CEP131: variants seen among roughly 807,000 people sequenced by gnomAD.
CEP131 encodes centrosomal protein 131.
A neutral mutation model predicts 136.8 loss-of-function variants in CEP131; 99 were observed. The observed-to-expected ratio is 0.72, with a 90% CI of 0.62 to 0.86. The LOEUF is 0.86. Ranked by LOEUF, CEP131 falls within the 40% of genes least tolerant of loss-of-function variation. The pLI is 0.00. For synonymous variants in CEP131, 646 were observed against 612.7 expected, an observed-to-expected ratio of 1.05 and a Z score of -0.80; for missense variants, 1,459 against 1,463.0, an observed-to-expected ratio of 1.00 and a Z score of 0.04.
intron 2 of CEP131, among the ~76,000 whole-genome samples, chr17:81,218,733 G>A (rs1021108437): frequency 2.0e-5 from 3 of 152,210 alleles, no homozygotes; most frequent in Non-Finnish European, 4.4e-5. Flanking sequence ...CCGTCTGGCG[G>A]GCCACACCCT....
rs775261298 is a variant in CEP131 at position 81,219,237 on chromosome 17, GT to G, written c.177+642del. Reference sequence around the variant, plus strand: ...CCCACACACCCACACACCCGTCTAGGTTTCTCCAAGGCCACCAGGAGCTCAT... The same window carrying G: ...CCCACACACCCACACACCCGTCTAGGTTCTCCAAGGCCACCAGGAGCTCAT... On this transcript the variant is annotated intron_variant, in intron 2 of 25. Coordinates refer to ENST00000450824, the MANE Select transcript of CEP131 (RefSeq NM_014984.4). This position sits in a 1 kb window ranked among gnomAD's most constrained non-coding sequence, Gnocchi z 4.0. 6.6e-6 allele frequency among the ~76,000 whole-genome samples: 1 copy of G among 151,782 alleles called. No individual in the cohort carries two copies. Among genetic ancestry groups the G allele is most frequent in the African/African-American group, 2.4e-5 (1 of 41,288 alleles).
At chr17:81,222,025 G>A (rs1044154661) in intron 1 of CEP131, among the ~76,000 whole-genome samples, 1 of 152,104 alleles carries the variant, frequency 6.6e-6, no homozygotes, top group Admixed American at 6.6e-5. Flanking sequence ...ATGCACTTCC[G>A]GCTGTGCGGA....
At chr17:81,195,711 TG>T (rs1243417525) in intron 16 of CEP131, 123 bp downstream of exon 16, 28 of 817,308 alleles carry the variant, frequency 3.4e-5, no homozygotes, top group Middle Eastern at 3.7e-4. Flanking sequence ...CCCACCGCTG[TG>T]GCCCTGACAC....
Position 81,196,682 on chromosome 17 carries a change from C to G in CEP131, c.1899+19G>C. The G allele has an allele frequency of 6.3e-7, 1 of 1,596,426 alleles. No homozygotes were observed. The highest frequency in any genetic ancestry group is 1.3e-5 in the African/African-American group (1 of 74,964). ...GCCACGCGCTGGGTCCGGGCCTCTG[C>G]GCTCCCCGGGCCGCTCACCTGGTCA... is the stretch of plus-strand genomic sequence containing the variant. On this transcript the variant is annotated intron_variant, in intron 15 of 25. Coordinates refer to ENST00000450824, the MANE Select transcript of CEP131 (RefSeq NM_014984.4).
intron 18 of CEP131, 131 bp from the exon 19 acceptor site, chr17:81,192,974 C>A: frequency 7.1e-7 from 1 of 1,405,660 alleles, no homozygotes; most frequent in South Asian, 1.4e-5. Flanking sequence ...CCTGCCCCTC[C>A]CCCTCGGCAG....
rs1431703283 is a variant in CEP131, at chr17:81,206,875, T to C, written c.388-4A>G. On this transcript the variant is annotated splice_polypyrimidine_tract_variant and splice_region_variant and intron_variant, in intron 4 of 25. Coordinates refer to ENST00000450824, the MANE Select transcript of CEP131 (RefSeq NM_014984.4). Reference sequence around the variant, plus strand: ...TGAAGCCCCGGGGCTGGTCATCCTGTCAGACAGCTCAGCCCATGACACCGC... The same window carrying C: ...TGAAGCCCCGGGGCTGGTCATCCTGCCAGACAGCTCAGCCCATGACACCGC... The C allele has an allele frequency of 6.2e-7, 1 of 1,612,492 alleles. No homozygotes were observed. Among genetic ancestry groups the C allele is most frequent in the East Asian group, 2.2e-5 (1 of 44,844 alleles).
rs1020407116 is a variant in CEP131, at chr17:81,203,863, C to T, written c.516-256G>A. On this transcript the variant is annotated intron_variant, in intron 5 of 25. Coordinates refer to ENST00000450824, the MANE Select transcript of CEP131 (RefSeq NM_014984.4). The surrounding 1 kb of genome is among the most constrained non-coding windows in gnomAD (Gnocchi z 4.6). ...ATAGAATCGAGGCATGAACGCTGGA[C>T]GTGCCCAAGACGGGGGGAGCAGCTC... 15 of 468,932 alleles carry T rather than the reference C, an allele frequency of 3.2e-5. No individual in the cohort carries two copies. The highest frequency in any genetic ancestry group is 5.0e-5 in the Non-Finnish European group (13 of 259,892). The allele number at this position is 468,932 out of a possible 1,614,324, so 29.0% of individuals were successfully genotyped here. A position where few individuals can be genotyped will look rare whatever the true frequency, so the allele number is the denominator to read the frequency against.
Position 81,202,339 on chromosome 17 carries a change from G to A in CEP131, c.689C>T (p.Pro230Leu), listed in dbSNP as rs199521424. The A allele has an allele frequency of 1.1e-5, 17 of 1,613,604 alleles. No homozygotes were observed. Among genetic ancestry groups the A allele is most frequent in the East Asian group, 8.9e-5 (4 of 44,846 alleles). The change falls in exon 7 of 26, where the codon CCG becomes CTG. Residue 230 changes from proline to leucine, a missense_variant. Around this residue, in one of 3 missense-constraint regions of CEP131, gnomAD observed 246 missense variants for 318.9 expected, o/e 0.77. Transcript: ENST00000450824. ...GTGGGTGGCACTGGAGACATTCTTCGGCAGCTTCCCAAAGCCGCTGCTCTC... is the reference window on the plus strand; with the variant it reads ...GTGGGTGGCACTGGAGACATTCTTCAGCAGCTTCCCAAAGCCGCTGCTCTC... ...GSESSGFGKL[P>L]KNVSSATHSA... is the part of the protein sequence containing the mutation.
chr17:81,208,190 G>A lies in CEP131; in HGVS notation c.272+738C>T, dbSNP rs1475622933. ...TGCTTGGTGGGACTCCACGAAGCTAGTTGCTGAGCTAAGAGCGGCTCCCGG... is the reference window on the plus strand; with the variant it reads ...TGCTTGGTGGGACTCCACGAAGCTAATTGCTGAGCTAAGAGCGGCTCCCGG... On this transcript the variant is annotated intron_variant, in intron 3 of 25. Transcript: ENST00000450824. This position sits in a 1 kb window ranked among gnomAD's most constrained non-coding sequence, Gnocchi z 5.6. Among the ~76,000 whole-genome samples the A allele has an allele frequency of 6.6e-6, 1 of 151,374 alleles. No homozygotes were observed. Among genetic ancestry groups the A allele is most frequent in the Non-Finnish European group, 1.5e-5 (1 of 67,768 alleles).
At chr17:81,195,005 C>A (rs780588009) in intron 16 of CEP131, 33 bp from the exon 17 acceptor site, 2 of 1,548,562 alleles carry the variant, frequency 1.3e-6, no homozygotes, top group Non-Finnish European at 1.8e-6. Flanking sequence ...GGAAACGACA[C>A]GAAGGACACC....
At chr17:81,191,140 G>C (rs374259140) in intron 22 of CEP131, 53 bp downstream of exon 22, 4 of 1,606,042 alleles carry the variant, frequency 2.5e-6, no homozygotes, top group Non-Finnish European at 3.4e-6. Flanking sequence ...GGGTCCTTGC[G>C]CCTCAGCTCG....
chr17:81,197,035 C>T lies in CEP131; in HGVS notation c.1668G>A (p.Gly556=), dbSNP rs1464702871. 1.2e-5 allele frequency: 19 copies of T among 1,588,886 alleles called. No homozygotes were observed. The highest frequency in any genetic ancestry group is 1.6e-5 in the Non-Finnish European group (19 of 1,167,926). ...SQQEGWVPEA[G]PGPLELGSEV... Reference sequence around the variant, plus strand: ...CGGACCCCAGCTCCAGGGGCCCCGGCCCCGCCTCCGGCACCCACCCCTGCA... The same window carrying T: ...CGGACCCCAGCTCCAGGGGCCCCGGTCCCGCCTCCGGCACCCACCCCTGCA... The change falls in exon 14 of 26, where the codon GGG becomes GGA. Residue 556 remains glycine, a synonymous_variant. Coordinates refer to ENST00000450824, the MANE Select transcript of CEP131 (RefSeq NM_014984.4).
chr17:81,191,071 G>T lies in CEP131; in HGVS notation c.2779C>A (p.Arg927=), dbSNP rs200586905. The part of the protein sequence containing the change: ...KAAESRIKRL[R]DKYEAELSEL... Reference sequence around the variant, plus strand: ...GAGAGCTCGGCCTCGTACTTGTCCCGTAAGCGCTTGATGCTGGAGGTGGGG... The same window carrying T: ...GAGAGCTCGGCCTCGTACTTGTCCCTTAAGCGCTTGATGCTGGAGGTGGGG... The change falls in exon 23 of 26, where the codon CGG becomes AGG. Residue 927 remains arginine, a synonymous_variant. Coordinates refer to ENST00000450824, the MANE Select transcript of CEP131 (RefSeq NM_014984.4). 2.5e-6 allele frequency: 4 copies of T among 1,604,042 alleles called. No homozygotes were observed. The highest frequency in any genetic ancestry group is 1.1e-5 in the South Asian group (1 of 90,422).
At chr17:81,212,577 GC>G (rs2062158342) in intron 2 of CEP131, among the ~76,000 whole-genome samples, 1 of 148,418 alleles carries the variant, frequency 6.7e-6, no homozygotes, top group African/African-American at 2.5e-5. Flanking sequence ...GGAGCCGTGG[GC>G]AGGAGTGGGG....
rs761913781 is a variant in CEP131 at position 81,197,739 on chromosome 17, C to T, written c.1620G>A (p.Gly540=). The part of the protein sequence containing the change: ...MSFLDEMEKS[G]QDQLDSQQEG... ...CCTGCTGGGAGTCCAGCTGGTCCTG[C>T]CCAGACTTCTCCATCTCGTCCAAGA... The change falls in exon 13 of 26, where the codon GGG becomes GGA. Residue 540 remains glycine (G), a synonymous_variant. Coordinates refer to ENST00000450824, the MANE Select transcript of CEP131 (RefSeq NM_014984.4). 3 of 1,612,658 alleles carry T rather than the reference C, an allele frequency of 1.9e-6. No homozygotes were observed. Among genetic ancestry groups the T allele is most frequent in the East Asian group, 2.2e-5 (1 of 44,874 alleles).
intron 10 of CEP131, among the ~76,000 whole-genome samples, 179 bp downstream of exon 10, chr17:81,199,202 T>A (rs1474773832): frequency 6.6e-6 from 1 of 152,088 alleles, no homozygotes. Context: ...GACCATTTGA[T>A]TGTCAAGGTC....
Position 81,194,049 on chromosome 17 carries a change from T to A in CEP131, c.2198A>T (p.Glu733Val). 1 of 1,584,146 alleles carries A rather than the reference T, an allele frequency of 6.3e-7. No homozygotes were observed. The highest frequency in any genetic ancestry group is 1.4e-5 in the African/African-American group (1 of 73,462). The change falls in exon 18 of 26, where the codon GAG (glutamate) becomes GTG (valine). Residue 733 changes from glutamate (E) to valine (V), a missense_variant. Transcript: ENST00000450824. Reference sequence around the variant, plus strand: ...GGCCCGCTCATCCGACTGCAGCAGCTCCGCCTCGTGCAGGCTCTTGAGCCT... The same window carrying A: ...GGCCCGCTCATCCGACTGCAGCAGCACCGCCTCGTGCAGGCTCTTGAGCCT... The part of the protein sequence containing the change: ...VRRLKSLHEA[E>V]LLQSDERASQ...
At chr17:81,197,590 G>T (rs1335449618) in intron 13 of CEP131, 122 bp downstream of exon 13, 1 of 1,403,870 alleles carries the variant, frequency 7.1e-7, no homozygotes, top group African/African-American at 1.5e-5. Context: ...GCTGGCGAGA[G>T]ACCTCCTCCC....
At chr17:81,193,005 C>T (rs922952104) in intron 18 of CEP131, among the ~76,000 whole-genome samples, 162 bp from the exon 19 acceptor site, 5 of 152,238 alleles carry the variant, frequency 3.3e-5, no homozygotes, top group Non-Finnish European at 5.9e-5. Context: ...TCAAAGCCAC[C>T]GCCCGGGGGC....
Sources: gnomAD v4.1 joint callset for allele counts (sites outside exome capture counted in the v4.1 genomes callset) on GRCh38, gnomAD v4.1.1 for gene constraint, gnomAD v4.1.1 regional missense constraint, Gnocchi (gnomAD v3.1) non-coding constraint, MANE v1.5 for transcripts, NCBI Gene and HGNC (gene_info 2026-07-23, HGNC 2026-07-21) for gene names.